The following GUCY1A2 variants were observed in gnomAD, a reference collection of about 807,000 sequenced individuals.
GUCY1A2 encodes guanylate cyclase soluble subunit alpha-2.
In GUCY1A2, 27 loss-of-function variants were observed where a neutral mutation model predicts 63.5. That is an observed-to-expected ratio of 0.43 (90% CI 0.31 to 0.59). GUCY1A2 has a LOEUF of 0.59. Ranked by LOEUF, GUCY1A2 falls within the 20% of genes least tolerant of loss-of-function variation. The probability of loss-of-function intolerance (pLI) is 0.11; values close to 1 mark genes in which losing one functional copy is unlikely to be tolerated. For missense variants in GUCY1A2, 768 were observed against 913.3 expected (o/e 0.84, Z 2.05); for synonymous variants, 364 against 343.5 (o/e 1.06, Z -0.66).
At chr11:107,003,824 T>G (rs1861638777) in intron 1 of GUCY1A2, among the ~76,000 whole-genome samples, 1 of 152,144 alleles carries the variant, frequency 6.6e-6, no homozygotes, top group African/African-American at 2.4e-5. Flanking sequence ...AGAAGGAGAT[T>G]AGCATGCAGG....
intron 3 of GUCY1A2, among the ~76,000 whole-genome samples, chr11:106,962,110 A>C (rs1219397389): frequency 6.6e-6 from 1 of 152,224 alleles, no homozygotes; most frequent in Non-Finnish European, 1.5e-5. Context: ...CAACATTTAT[A>C]CTAAGGTGAG....
intron 4 of GUCY1A2, chr11:106,824,773 G>A: frequency 6.5e-7 from 1 of 1,536,420 alleles, no homozygotes; most frequent in Non-Finnish European, 8.7e-7. Context: ...TTTTTACCAA[G>A]GTGCTTGCTT....
chr11:106,826,642 T>C, intron 4 of GUCY1A2: 1 of 1,607,330 alleles, frequency 6.2e-7, no homozygotes, highest in African/African-American at 1.3e-5. Flanking sequence ...CAGTACAACC[T>C]TATAGTTAAA....
At chr11:106,947,307 T>C (rs1860843843) in intron 3 of GUCY1A2, among the ~76,000 whole-genome samples, 1 of 151,422 alleles carries the variant, frequency 6.6e-6, no homozygotes, top group Non-Finnish European at 1.5e-5. Context: ...CCAAGCTATG[T>C]AACGAATAGA....
At chr11:106,702,813 C>T (rs999476554) in intron 7 of GUCY1A2, among the ~76,000 whole-genome samples, 1 of 152,028 alleles carries the variant, frequency 6.6e-6, no homozygotes, top group Non-Finnish European at 1.5e-5. Flanking sequence ...GAATAACCCC[C>T]ACCTCCCAAG....
At chr11:106,981,137 A>C (rs1194665119) in intron 2 of GUCY1A2, among the ~76,000 whole-genome samples, 1 of 152,220 alleles carries the variant, frequency 6.6e-6, no homozygotes, top group East Asian at 1.9e-4. Context: ...GTAAATATAT[A>C]AAAAAGAAGC....
chr11:106,919,025 A>T (rs573790834), intron 4 of GUCY1A2, among the ~76,000 whole-genome samples: 1 of 152,120 alleles, frequency 6.6e-6, no homozygotes, highest in African/African-American at 2.4e-5. Flanking sequence ...TTTATTATCT[A>T]TTTATTGAAT....
intron 7 of GUCY1A2, among the ~76,000 whole-genome samples, chr11:106,700,005 G>A (rs1006937368): frequency 6.6e-6 from 1 of 151,728 alleles, no homozygotes; most frequent in Non-Finnish European, 1.5e-5. Context: ...GGATGGTCTC[G>A]ATCTCCTGAC....
chr11:106,747,954 T>G (rs1463002919), intron 6 of GUCY1A2, among the ~76,000 whole-genome samples: 1 of 152,222 alleles, frequency 6.6e-6, no homozygotes, highest in Non-Finnish European at 1.5e-5. Flanking sequence ...TGCTTGCAGA[T>G]CACTGTGGCT....
chr11:106,746,231 T>C (rs1051121252), intron 6 of GUCY1A2, among the ~76,000 whole-genome samples: 1 of 152,038 alleles, frequency 6.6e-6, no homozygotes, highest in African/African-American at 2.4e-5. Flanking sequence ...CTAAGTTTGA[T>C]TTTTGGTTCT....
intron 5 of GUCY1A2, among the ~76,000 whole-genome samples, chr11:106,782,081 A>G (rs1269366102): frequency 3.3e-5 from 5 of 152,088 alleles, no homozygotes; most frequent in Admixed American, 1.3e-4. Flanking sequence ...AAAAAGAACA[A>G]TGTACACAAT....
At chr11:106,896,060 C>T (rs1860044709) in intron 4 of GUCY1A2, among the ~76,000 whole-genome samples, 1 of 149,766 alleles carries the variant, frequency 6.7e-6, no homozygotes, top group Admixed American at 6.7e-5. Context: ...GATATATATA[C>T]ACACATATAC....
rs1862362017 is a variant in GUCY1A2 at position 106,677,228 on chromosome 11, A to G, written c.*10321T>C. The G allele has an allele frequency of 9.1e-6, 2 of 220,388 alleles. No homozygotes were observed. The highest frequency in any genetic ancestry group is 5.8e-5 in the Admixed American group (1 of 17,280). The allele number at this position is 220,388 out of a possible 1,614,324, so 13.7% of individuals were successfully genotyped here. A position where few individuals can be genotyped will look rare whatever the true frequency, so the allele number is the denominator to read the frequency against. The stretch of plus-strand genomic sequence containing the variant: ...GGAAGGAAGATAGGAAGATAATTCA[A>G]TGGAAAAAAGAGGAGCTAAGCATGC... On this transcript the variant is annotated 3_prime_UTR_variant, in exon 8 of 8. Transcript: ENST00000526355.
chr11:106,690,739 A>T (rs556022229), intron 7 of GUCY1A2, among the ~76,000 whole-genome samples: 1 of 152,322 alleles, frequency 6.6e-6, no homozygotes, highest in African/African-American at 2.4e-5. Flanking sequence ...CCAAATTTAT[A>T]GAGGGTGAAA....
chr11:106,843,840 G>A (rs1859233814), intron 4 of GUCY1A2, among the ~76,000 whole-genome samples: 1 of 151,732 alleles, frequency 6.6e-6, no homozygotes, highest in African/African-American at 2.4e-5. Context: ...TATTTTTAAT[G>A]TCACATTACT....
At chr11:106,811,032 AAAAAT>A (rs1223546275) in intron 4 of GUCY1A2, among the ~76,000 whole-genome samples, 2 of 152,126 alleles carry the variant, frequency 1.3e-5, no homozygotes, top group African/African-American at 4.8e-5. Context: ...TCTTATTCTT[AAAAAT>A]AAAAATATAA....
intron 4 of GUCY1A2, among the ~76,000 whole-genome samples, chr11:106,927,774 A>G (rs963874729): frequency 6.6e-6 from 1 of 151,576 alleles, no homozygotes; most frequent in Non-Finnish European, 1.5e-5. Flanking sequence ...GGGTTTCACC[A>G]TGTTAGCCAG....
chr11:106,843,325 G>A (rs1405369013), intron 4 of GUCY1A2, among the ~76,000 whole-genome samples: 1 of 151,808 alleles, frequency 6.6e-6, no homozygotes, highest in Non-Finnish European at 1.5e-5. Flanking sequence ...TACACACTGG[G>A]TACAGTGTTC....
At chr11:106,757,036 T>G (rs1270426564) in intron 6 of GUCY1A2, among the ~76,000 whole-genome samples, 1 of 152,214 alleles carries the variant, frequency 6.6e-6, no homozygotes, top group African/African-American at 2.4e-5. Context: ...CTTGAAGGCT[T>G]TGTTAATTTC....
Sources: allele counts gnomAD v4.1 joint callset (sites outside exome capture counted in the v4.1 genomes callset), GRCh38; gene constraint gnomAD v4.1.1; transcripts MANE v1.5; gene names NCBI Gene and HGNC (gene_info 2026-07-23, HGNC 2026-07-21).